The following RO60 variants were observed in gnomAD, a reference collection of about 807,000 sequenced individuals.
RO60 encodes RNA-binding protein RO60.
RO60 carries 20 observed loss-of-function variants against 55.3 expected under a neutral mutation model. That is an observed-to-expected ratio of 0.36 (90% CI 0.25 to 0.53). The LOEUF (loss-of-function observed/expected upper bound fraction) is 0.53. RO60 is among the 20% of genes least tolerant of loss of function. The pLI is 0.92. For synonymous variants in RO60, 213 were observed against 213.6 expected (o/e 1.00, Z 0.02); for missense variants, 558 against 646.6 (o/e 0.86, Z 1.49).
rs747598959 is a variant in RO60 at position 193,084,734 on chromosome 1, A to G, written c.*3A>G. 3 of 1,611,040 alleles carry G rather than the reference A, an allele frequency of 1.9e-6. No homozygotes were observed. The highest frequency in any genetic ancestry group is 2.5e-6 in the Non-Finnish European group (3 of 1,179,002). ...ATTTCACATTAGATATGATTTAACC[A>G]TAAGCAGCAGCACGATCCAGAGATC... On this transcript the variant is annotated 3_prime_UTR_variant, in exon 9 of 9. Transcript: ENST00000400968.
rs771952621 is a variant in RO60, at chr1:193,089,163, C to A, written c.*4432C>A. On this transcript the variant is annotated 3_prime_UTR_variant, in exon 9 of 9. Transcript: ENST00000400968. ...GCAGAAATTCTGTGGCCTTTAAGAT[C>A]AGTTATTCAGCCTTTGTAATTATGT... 6.6e-6 allele frequency: 1 copy of A among 152,222 alleles called. No individual in the cohort carries two copies. The highest frequency in any genetic ancestry group is 2.1e-4 in the South Asian group (1 of 4,822). 9.4% of individuals were successfully genotyped at this position (152,222 alleles called of 1,614,324 possible). A position where few individuals can be genotyped will look rare whatever the true frequency, so the allele number is the denominator to read the frequency against.
In RO60 at chr1:193,088,937, G is replaced by T. The variant is rs1674742130; in HGVS notation, c.*4206G>T. On this transcript the variant is annotated 3_prime_UTR_variant, in exon 9 of 9. Transcript: ENST00000400968. ...TCTTTTTCTAGTCCTTCTCTATCTG[G>T]ATAATAAAATGAATGACAGGAAAGT... 1.3e-5 allele frequency: 2 copies of T among 151,526 alleles called. No homozygotes were observed. The highest frequency in any genetic ancestry group is 4.2e-4 in the South Asian group (2 of 4,804). The allele number at this position is 151,526 out of a possible 1,614,324, so 9.4% of individuals were successfully genotyped here.
rs1340316162 is a variant in RO60, at chr1:193,090,492, C to G, written c.*5761C>G. 1 of 151,200 alleles carries G rather than the reference C, an allele frequency of 6.6e-6. No homozygotes were observed. Among genetic ancestry groups the G allele is most frequent in the Non-Finnish European group, 1.5e-5 (1 of 67,814 alleles). 9.4% of individuals were successfully genotyped at this position (151,200 alleles called of 1,614,324 possible). A position where few individuals can be genotyped will look rare whatever the true frequency, so the allele number is the denominator to read the frequency against. ...TGGGCATAACTTCTGTAATGTATTTCAGTTATATGTTTTTCCTTTTATTGC... is the reference window on the plus strand; with the variant it reads ...TGGGCATAACTTCTGTAATGTATTTGAGTTATATGTTTTTCCTTTTATTGC... On this transcript the variant is annotated 3_prime_UTR_variant, in exon 9 of 9. Transcript: ENST00000400968.
At chr1:193,074,477 C>G (rs1213422159) in intron 2 of RO60, among the ~76,000 whole-genome samples, 1 of 152,198 alleles carries the variant, frequency 6.6e-6, no homozygotes, top group Non-Finnish European at 1.5e-5. Flanking sequence ...TTGCATTTCT[C>G]TGATGGCCAG....
chr1:193,074,274 A>C (rs906094543), intron 2 of RO60, among the ~76,000 whole-genome samples: 1 of 152,174 alleles, frequency 6.6e-6, no homozygotes, highest in African/African-American at 2.4e-5. Context: ...GCTTGGTCAA[A>C]TGGTATTTCT....
intron 4 of RO60, 70 bp downstream of exon 4, chr1:193,076,717 C>T (rs1046139504): frequency 5.7e-5 from 83 of 1,445,812 alleles, no homozygotes; most frequent in South Asian, 1.3e-4. Flanking sequence ...TTAGAAATGC[C>T]GTCAGTGCAT....
Position 193,072,206 on chromosome 1 carries a change from G to T in RO60, c.580+2572G>T, listed in dbSNP as rs534885543. On this transcript the variant is annotated intron_variant, in intron 2 of 8. Transcript: ENST00000400968. ...TTTAGTAGAGGCAGGGTTTCACCATGTTGGTAATGCTGGTCTCGAACTCCT... is the reference window on the plus strand; with the variant it reads ...TTTAGTAGAGGCAGGGTTTCACCATTTTGGTAATGCTGGTCTCGAACTCCT... 2.8e-4 allele frequency among the ~76,000 whole-genome samples: 42 copies of T among 152,238 alleles called. No individual in the cohort carries two copies. In the South Asian group the frequency reaches 8.7e-3, roughly 32 times the overall value.
At chr1:193,084,409 C>T (rs1344396458) in intron 8 of RO60, among the ~76,000 whole-genome samples, 170 bp from the exon 9 acceptor site, 1 of 152,110 alleles carries the variant, frequency 6.6e-6, no homozygotes, top group East Asian at 1.9e-4. Flanking sequence ...TTTTATTGTC[C>T]CTTCTTCTAA....
chr1:193,071,522 T>C (rs1015876539), intron 2 of RO60, among the ~76,000 whole-genome samples: 1 of 152,130 alleles, frequency 6.6e-6, no homozygotes, highest in Admixed American at 6.6e-5. Flanking sequence ...TTTTTTATAC[T>C]GTTACAAAAA....
chr1:193,091,732 T>C (rs1256624822), downstream of RO60: 5 of 1,508,360 alleles, frequency 3.3e-6, no homozygotes, highest in Middle Eastern at 1.7e-4. Context: ...TGGTCAGTTA[T>C]TGTAGAAATT....
intron 5 of RO60, among the ~76,000 whole-genome samples, chr1:193,078,929 A>T (rs576135857): frequency 6.6e-6 from 1 of 152,272 alleles, no homozygotes; most frequent in South Asian, 2.1e-4. Context: ...CAATCTTTAA[A>T]AAAAGAACAA....
chr1:193,068,119 A>G (rs1673238966), intron 1 of RO60, among the ~76,000 whole-genome samples: 2 of 152,188 alleles, frequency 1.3e-5, no homozygotes, highest in South Asian at 4.1e-4. Context: ...AAGTGTTCTC[A>G]GCTGACTTAT....
Position 193,088,863 on chromosome 1 carries a change from TCTAC to T in RO60, c.*4135_*4138del, listed in dbSNP as rs1674738773. ...CTCTTATTTGTTGGAAGATTACTTT[TCTAC>T]CTCTTTTTTTTCTTTTAAAATTCCT... On this transcript the variant is annotated 3_prime_UTR_variant, in exon 9 of 9. Transcript: ENST00000400968. 6.6e-6 allele frequency: 1 copy of T among 152,236 alleles called. No homozygotes were observed. The highest frequency in any genetic ancestry group is 2.1e-4 in the South Asian group (1 of 4,834). The allele number at this position is 152,236 out of a possible 1,614,324, so 9.4% of individuals were successfully genotyped here.
chr1:193,088,162 CTTTTT>C lies in RO60; in HGVS notation c.*3458_*3462del, dbSNP rs145943712. On this transcript the variant is annotated 3_prime_UTR_variant, in exon 9 of 9. Transcript: ENST00000400968. ...GGTGTGCACTGCACTACCACGCCTG[CTTTTT>C]TTTTTTTTTTTTTTTTTTTTTTTTT... The C allele has an allele frequency of 8.8e-4, 39 of 44,400 alleles. 1 individual carries two copies. The highest frequency in any genetic ancestry group is 0.029 in the Middle Eastern group (1 of 34). 2.8% of individuals were successfully genotyped at this position (44,400 alleles called of 1,614,324 possible).
Position 193,090,301 on chromosome 1 carries a change from A to G in RO60, c.*5570A>G, listed in dbSNP as rs1293794698. ...TACCAGATATAATTGAGGGAATATTATATCAACAAACATATTGAAACTTGG... is the reference window on the plus strand; with the variant it reads ...TACCAGATATAATTGAGGGAATATTGTATCAACAAACATATTGAAACTTGG... On this transcript the variant is annotated 3_prime_UTR_variant, in exon 9 of 9. Transcript: ENST00000400968. 6.6e-6 allele frequency: 1 copy of G among 151,962 alleles called. No homozygotes were observed. The highest frequency in any genetic ancestry group is 1.5e-5 in the Non-Finnish European group (1 of 68,040). The allele number at this position is 151,962 out of a possible 1,614,324, so 9.4% of individuals were successfully genotyped here. A position where few individuals can be genotyped will look rare whatever the true frequency, so the allele number is the denominator to read the frequency against.
At position 193,084,983 on chromosome 1, in the gene RO60, T is replaced by A; in HGVS notation, c.*252T>A. 7 of 1,544,880 alleles carry A rather than the reference T, an allele frequency of 4.5e-6. No individual in the cohort carries two copies. The highest frequency in any genetic ancestry group is 6.1e-6 in the Non-Finnish European group (7 of 1,145,338). ...CTCTATCTAATAGAGAACTTTTTGT[T>A]AACAGACACTGTAAAATAGTTTTGC... On this transcript the variant is annotated 3_prime_UTR_variant, in exon 9 of 9. Coordinates refer to ENST00000400968, the MANE Select transcript of RO60 (RefSeq NM_001173524.2).
rs775171384 is a variant in RO60 at position 193,069,154 on chromosome 1, C to T, written c.100C>T (p.His34Tyr). 1.2e-6 allele frequency: 2 copies of T among 1,614,168 alleles called. No homozygotes were observed. Among genetic ancestry groups the T allele is most frequent in the Admixed American group, 1.7e-5 (1 of 60,012 alleles). ...VWQVTDMNRL[H>Y]RFLCFGSEGG... is the part of the protein sequence containing the mutation. ...GCAAGTCACTGACATGAATCGACTA[C>T]ACCGGTTCTTATGTTTCGGTTCTGA... Residue 34 changes from histidine (H) to tyrosine (Y), a missense_variant, in exon 2 of 9, where the codon CAC becomes TAC. Coordinates refer to ENST00000400968, the MANE Select transcript of RO60 (RefSeq NM_001173524.2).
Position 193,059,640 on chromosome 1 carries a change from C to A in RO60, c.-158C>A, listed in dbSNP as rs781670691. The A allele has an allele frequency of 7.2e-6, 10 of 1,393,582 alleles. No homozygotes were observed. In the Admixed American group the frequency reaches 1.5e-4, roughly 21 times the overall value. The allele number at this position is 1,393,582 out of a possible 1,614,324, so 86.3% of individuals were successfully genotyped here. On this transcript the variant is annotated 5_prime_UTR_variant, in exon 1 of 9. Transcript: ENST00000400968. This position sits in a 1 kb window ranked among gnomAD's most constrained non-coding sequence, Gnocchi z 4.9. ...CGTTCCCGGGAACCGAACCTGGAAT[C>A]CCCGGCGGCAGTGGGGCTGTTGCTG...
At chr1:193,060,246 T>A (rs1391495041) in intron 1 of RO60, 4 of 494,838 alleles carry the variant, frequency 8.1e-6, no homozygotes, top group Non-Finnish European at 9.5e-6. Flanking sequence ...GCTGCTAGAC[T>A]AGTGGAAGGG....
Sources: allele counts gnomAD v4.1 joint callset (sites outside exome capture counted in the v4.1 genomes callset), GRCh38; gene constraint gnomAD v4.1.1; non-coding constraint Gnocchi (gnomAD v3.1); transcripts MANE v1.5; gene names NCBI Gene and HGNC (gene_info 2026-07-23, HGNC 2026-07-21).